LRRC1: variants seen among roughly 807,000 people sequenced by gnomAD.
The protein encoded by LRRC1 is leucine-rich repeat-containing protein 1.
A neutral mutation model predicts 69.9 loss-of-function variants in LRRC1; 28 were observed. The observed-to-expected ratio is 0.40, with a 90% confidence interval of 0.30 to 0.55. LRRC1 has a LOEUF of 0.55. LRRC1 is among the 20% of genes least tolerant of loss of function. The pLI is 0.47. For synonymous variants in LRRC1, 236 were observed against 240.2 expected (o/e 0.98, Z 0.16); for missense variants, 498 against 609.0 (o/e 0.82, Z 1.92).
intron 1 of LRRC1, among the ~76,000 whole-genome samples, chr6:53,824,848 G>C (rs1395399765): frequency 1.3e-5 from 2 of 152,190 alleles, no homozygotes. Context: ...CAGTTCCTTT[G>C]ATAAAACCAT....
rs1476262629 is a variant in LRRC1, at chr6:53,836,637, A to T, written c.160-5473A>T. On this transcript the variant is annotated intron_variant, in intron 1 of 13. Transcript: ENST00000370888. ...AATTAGTAAGTAGTCTAAAACTTTAAAAAGTTTTTTTTATTGTGAAATAAA... is the reference window on the plus strand; with the variant it reads ...AATTAGTAAGTAGTCTAAAACTTTATAAAGTTTTTTTTATTGTGAAATAAA... Among the ~76,000 whole-genome samples the T allele has an allele frequency of 2.0e-5, 3 of 152,310 alleles. No homozygotes were observed. The East Asian group carries it at 5.8e-4, about 29-fold the overall frequency.
chr6:53,798,208 C>T (rs1266474840), intron 1 of LRRC1, among the ~76,000 whole-genome samples: 1 of 152,132 alleles, frequency 6.6e-6, no homozygotes, highest in East Asian at 1.9e-4. Flanking sequence ...CATCAGATCC[C>T]TCATCTTCAG....
chr6:53,798,769 G>T (rs1036507414), intron 1 of LRRC1, among the ~76,000 whole-genome samples: 4 of 152,162 alleles, frequency 2.6e-5, no homozygotes, highest in African/African-American at 9.7e-5. Context: ...GAATGTTGCC[G>T]AATCTTATAA....
At chr6:53,867,488 A>G (rs919278442) in intron 2 of LRRC1, among the ~76,000 whole-genome samples, 3 of 152,214 alleles carry the variant, frequency 2.0e-5, no homozygotes, top group African/African-American at 7.2e-5. Flanking sequence ...ATGATAGCTT[A>G]GAGTGGGGTC....
In LRRC1 at chr6:53,840,772, A is replaced by G. The variant is rs117193469; in HGVS notation, c.160-1338A>G. ...TTCTAATTATGCTTTTTATGGTGTT[A>G]TGTTGCTTCATCTGTGATTTCTCTG... On this transcript the variant is annotated intron_variant, in intron 1 of 13. Coordinates refer to ENST00000370888, the MANE Select transcript of LRRC1 (RefSeq NM_018214.5). Among the ~76,000 whole-genome samples the G allele has an allele frequency of 2.0e-3, 300 of 151,370 alleles. 4 individuals carry two copies. In the East Asian group the frequency reaches 0.042, roughly 21 times the overall value.
intron 1 of LRRC1, among the ~76,000 whole-genome samples, chr6:53,799,326 A>G (rs1467649978): frequency 1.3e-5 from 2 of 152,172 alleles, no homozygotes; most frequent in African/African-American, 2.4e-5. Flanking sequence ...TCTCTCCCTA[A>G]CTAAAACATA....
chr6:53,818,227 A>G (rs1296194915), intron 1 of LRRC1, among the ~76,000 whole-genome samples: 2 of 152,220 alleles, frequency 1.3e-5, no homozygotes, highest in East Asian at 1.9e-4. Context: ...GCAATGGTAG[A>G]CATGTGAATG....
chr6:53,880,195 G>A (rs1767241188), intron 3 of LRRC1, among the ~76,000 whole-genome samples: 1 of 152,008 alleles, frequency 6.6e-6, no homozygotes, highest in Admixed American at 6.6e-5. Context: ...ATAAATAAAT[G>A]TTTTCTTTTT....
At position 53,811,108 on chromosome 6, in the gene LRRC1, A is replaced by G. The variant is rs74949564; in HGVS notation, c.159+15693A>G. Among the ~76,000 whole-genome samples, 259 of 152,308 alleles carry G rather than the reference A, an allele frequency of 1.7e-3. 1 individual carries two copies. Among genetic ancestry groups the G allele is most frequent in the East Asian group, 2.9e-3 (15 of 5,190 alleles). On this transcript the variant is annotated intron_variant, in intron 1 of 13. Transcript: ENST00000370888. ...TTTTTCATTAAAAAATATATTTTGT[A>G]TGGAGTAGTTTAGATACGTAACTCC...
rs752682109 is a variant in LRRC1, at chr6:53,795,435, T to C, written c.159+20T>C. 1 of 1,599,472 alleles carries C rather than the reference T, an allele frequency of 6.3e-7. No homozygotes were observed. Among genetic ancestry groups the C allele is most frequent in the South Asian group, 1.1e-5 (1 of 89,378 alleles). On this transcript the variant is annotated intron_variant, in intron 1 of 13. Coordinates refer to ENST00000370888, the MANE Select transcript of LRRC1 (RefSeq NM_018214.5). ...CCCGAGGTAAGGGTCCGGCCTCACC[T>C]GAGCGCTCTGCCCGCTCGTCTGCTG...
At position 53,896,230 on chromosome 6, in the gene LRRC1, C is replaced by T. The variant is rs74581545; in HGVS notation, c.447-268C>T. Among the ~76,000 whole-genome samples, 481 of 152,298 alleles carry T rather than the reference C, an allele frequency of 3.2e-3. 7 individuals are homozygous for T. The East Asian group carries it at 0.041, about 13-fold the overall frequency. On this transcript the variant is annotated intron_variant, in intron 4 of 13. Coordinates refer to ENST00000370888, the MANE Select transcript of LRRC1 (RefSeq NM_018214.5). ...GAGTTATTTCCACATATCACATGTA[C>T]AAGGTATTTGAATGAAGGTGCTTTG...
At chr6:53,901,068 A>G (rs980195870) in intron 8 of LRRC1, among the ~76,000 whole-genome samples, 2 of 151,874 alleles carry the variant, frequency 1.3e-5, no homozygotes, top group African/African-American at 4.8e-5. Context: ...TCTATGCGAG[A>G]TGTTCACTGA....
At chr6:53,796,851 C>T (rs879287159) in intron 1 of LRRC1, among the ~76,000 whole-genome samples, 2 of 152,096 alleles carry the variant, frequency 1.3e-5, no homozygotes, top group Admixed American at 1.3e-4. Context: ...CTTTTACGTC[C>T]TTGAAGATTT....
chr6:53,884,165 A>T, intron 4 of LRRC1: 1 of 600,204 alleles, frequency 1.7e-6, no homozygotes, highest in Admixed American at 3.0e-5. Context: ...AATTTCATGC[A>T]TGTACAATTC....
intron 1 of LRRC1, among the ~76,000 whole-genome samples, chr6:53,807,746 G>T (rs948707687): frequency 2.9e-5 from 2 of 69,072 alleles, no homozygotes; most frequent in Admixed American, 2.0e-4. Flanking sequence ...ACTCCGTGTC[G>T]TCAACAACAA....
chr6:53,892,590 T>C (rs906289563), intron 4 of LRRC1, among the ~76,000 whole-genome samples: 1 of 152,188 alleles, frequency 6.6e-6, no homozygotes, highest in Non-Finnish European at 1.5e-5. Context: ...TTGAATTCAA[T>C]GGGTTGCTTT....
At chr6:53,809,575 T>A (rs1477122939) in intron 1 of LRRC1, among the ~76,000 whole-genome samples, 1 of 152,228 alleles carries the variant, frequency 6.6e-6, no homozygotes, top group African/African-American at 2.4e-5. Context: ...GTGGTTTTGG[T>A]AAGGTAAATA....
intron 8 of LRRC1, among the ~76,000 whole-genome samples, chr6:53,901,715 C>T (rs948897844): frequency 1.2e-4 from 19 of 152,250 alleles, no homozygotes; most frequent in African/African-American, 4.6e-4. Flanking sequence ...TTCAGCATAC[C>T]CTGCAGAAAA....
chr6:53,839,008 G>A (rs1765688972), intron 1 of LRRC1, among the ~76,000 whole-genome samples: 1 of 151,758 alleles, frequency 6.6e-6, no homozygotes, highest in African/African-American at 2.4e-5. Flanking sequence ...CAGCAATTTT[G>A]TTTTCTTTTT....
Sources: gnomAD v4.1 joint callset for allele counts (sites outside exome capture counted in the v4.1 genomes callset) on GRCh38, gnomAD v4.1.1 for gene constraint, MANE v1.5 for transcripts, NCBI Gene and HGNC (gene_info 2026-07-23, HGNC 2026-07-21) for gene names.